Variants in SYCE1 observed in about 807,000 individuals in gnomAD.
SYCE1 encodes synaptonemal complex central element protein 1, also known as cancer/testis antigen 76.
In SYCE1, 37 loss-of-function variants were observed where a neutral mutation model predicts 55.1. The ratio of observed to expected loss-of-function variants is 0.67; its 90% confidence interval spans 0.52 to 0.88. SYCE1 has a LOEUF of 0.88. Ranked by LOEUF, SYCE1 falls within the 40% of genes least tolerant of loss-of-function variation. The probability of loss-of-function intolerance (pLI) is 0.00; values close to 1 mark genes in which losing one functional copy is unlikely to be tolerated. For missense variants in SYCE1, 399 were observed against 416.4 expected (o/e 0.96, Z 0.36); for synonymous variants, 163 against 159.4 (o/e 1.02, Z -0.17).
intron 1 of SYCE1, among the ~76,000 whole-genome samples, chr10:133,561,565 GT>G (rs920692911): frequency 1.5e-4 from 23 of 152,224 alleles, no homozygotes; most frequent in Admixed American, 1.2e-3. Flanking sequence ...AAGTTTGAGG[GT>G]TTTTTTCCTG....
At chr10:133,566,983 G>T (rs1851957704), upstream of SYCE1, among the ~76,000 whole-genome samples, 1 of 151,780 alleles carries the variant, frequency 6.6e-6, no homozygotes, top group Non-Finnish European at 1.5e-5. Context: ...TAGGTTTAGG[G>T]GTAGCGTTGT....
At chr10:133,560,304 C>T in intron 1 of SYCE1, 151 bp from the exon 2 acceptor site, 1 of 591,032 alleles carries the variant, frequency 1.7e-6, no homozygotes, top group Non-Finnish European at 3.0e-6. Flanking sequence ...GAATCGGGCT[C>T]CTCCATGGTC....
chr10:133,568,134 GC>G, upstream of SYCE1: 1 of 820,406 alleles, frequency 1.2e-6, no homozygotes, highest in Non-Finnish European at 2.0e-6. Flanking sequence ...GCGCCACCCA[GC>G]CCGACACAGA....
chr10:133,564,551 C>T, intron 1 of SYCE1: 2 of 397,936 alleles, frequency 5.0e-6, no homozygotes, highest in Non-Finnish European at 6.8e-6. Flanking sequence ...TGTGCCACAT[C>T]TCACTGTAGG....
chr10:133,564,298 G>A (rs373415320), intron 1 of SYCE1: 1 of 774,346 alleles, frequency 1.3e-6, no homozygotes, highest in Non-Finnish European at 1.6e-6. Context: ...ACGCTGAATT[G>A]CACCTTGATC....
In SYCE1 at chr10:133,555,596, C is replaced by T. The variant is rs768727840; in HGVS notation, c.830+1G>A. On this transcript the variant is annotated splice_donor_variant, in intron 11 of 12. Transcript: ENST00000343131. LOFTEE classifies it high-confidence loss of function. ...TGCGGGGACAGGGCCTCCACACGCACCTCTGCCGCTTCTGCTGCTGTTGTT... is the reference window on the plus strand; with the variant it reads ...TGCGGGGACAGGGCCTCCACACGCATCTCTGCCGCTTCTGCTGCTGTTGTT... The T allele has an allele frequency of 3.1e-6, 5 of 1,604,274 alleles. No homozygotes were observed. In the South Asian group the frequency reaches 4.4e-5, roughly 14 times the overall value.
upstream of SYCE1, among the ~76,000 whole-genome samples, chr10:133,565,821 A>C (rs112843529): frequency 0.026 from 4,028 of 152,244 alleles, 168 homozygotes; most frequent in African/African-American, 0.092. Context: ...TTCCGAGGGG[A>C]CCGGCCCTGG....
At chr10:133,566,098 C>T (rs1234147440), upstream of SYCE1, among the ~76,000 whole-genome samples, 2 of 152,224 alleles carry the variant, frequency 1.3e-5, no homozygotes, top group African/African-American at 4.8e-5. Context: ...AGCTCCATGC[C>T]CACAGTGGCC....
chr10:133,567,993 C>G (rs1404768752), upstream of SYCE1: 3 of 595,362 alleles, frequency 5.0e-6, no homozygotes, highest in South Asian at 4.7e-5. Context: ...CACTGGGGCT[C>G]CAAGACTGTG....
intron 5 of SYCE1, 80 bp downstream of exon 5, chr10:133,558,087 A>G (rs1851731862): frequency 6.3e-7 from 1 of 1,590,110 alleles, no homozygotes; most frequent in East Asian, 2.2e-5. Flanking sequence ...AGGTTTCAAA[A>G]GGCTTCAGCT....
intron 3 of SYCE1, 169 bp from the exon 4 acceptor site, chr10:133,559,120 T>A: frequency 1.1e-6 from 1 of 916,200 alleles, no homozygotes; most frequent in African/African-American, 1.6e-5. Flanking sequence ...AGGGCCAGGA[T>A]CATGGGCATG....
intron 4 of SYCE1, 124 bp downstream of exon 4, chr10:133,558,753 G>A (rs1260361264): frequency 2.2e-6 from 2 of 903,824 alleles, no homozygotes; most frequent in Non-Finnish European, 3.4e-6. Flanking sequence ...GAGATTGGCA[G>A]GACATGAGGC....
chr10:133,558,204 C>T lies in SYCE1; in HGVS notation c.282G>A (p.Glu94=). Residue 94 remains glutamate (E), a synonymous_variant, in exon 5 of 13, where the codon GAG becomes GAA. Transcript: ENST00000343131. ...TCAAGATCTCCTTCAGGTGTACTTT[C>T]TCTCCATGCACTAGAAAACAGTGAC... ...LQKELDSLHG[E]KVHLKEILSK... 6.2e-7 allele frequency: 1 copy of T among 1,614,202 alleles called. No individual in the cohort carries two copies. The highest frequency in any genetic ancestry group is 1.1e-5 in the South Asian group (1 of 91,076).
At chr10:133,561,385 A>G (rs10857758) in intron 1 of SYCE1, among the ~76,000 whole-genome samples, 20,323 of 151,952 alleles carry the variant, frequency 0.13, 1,328 homozygotes, top group East Asian at 0.25. Context: ...GAAGTCCCCC[A>G]TCCAGGGAAT....
chr10:133,559,608 C>T (rs1851774075), intron 2 of SYCE1: 1 of 510,352 alleles, frequency 2.0e-6, no homozygotes, highest in Non-Finnish European at 3.5e-6. Context: ...GGCTAAAGAG[C>T]AAAGGAGTGG....
chr10:133,567,811 CT>C (rs1383479123), upstream of SYCE1: 6 of 364,204 alleles, frequency 1.6e-5, no homozygotes, highest in East Asian at 7.3e-5. Context: ...AGGCCACTGC[CT>C]TTTTGGCTGA....
Position 133,555,859 on chromosome 10 carries a change from A to G in SYCE1, c.640T>C (p.Cys214Arg). Residue 214 changes from cysteine to arginine, a missense_variant, in exon 10 of 13, where the codon TGC becomes CGC. By Grantham distance (180) the Cys-to-Arg change is radical. Coordinates refer to ENST00000343131, the MANE Select transcript of SYCE1 (RefSeq NM_001143764.3). The stretch of plus-strand genomic sequence containing the variant: ...GGGCCCTCAGCCCCACACAGGGAGC[A>G]CAGCTGATGCTTCACGTCTTCCAGT... ...ATLEDVKHQL[C>R]SLCGAEGPST... 6.2e-7 allele frequency: 1 copy of G among 1,614,082 alleles called. No individual in the cohort carries two copies. Among genetic ancestry groups the G allele is most frequent in the Non-Finnish European group, 8.5e-7 (1 of 1,180,004 alleles).
chr10:133,557,961 AT>A (rs759815189), intron 5 of SYCE1, 43 bp from the exon 6 acceptor site: 2 of 1,611,286 alleles, frequency 1.2e-6, no homozygotes, highest in South Asian at 1.1e-5. Context: ...CTGTCAAGGT[AT>A]TGGGTTTTGG....
At chr10:133,567,804 C>G, upstream of SYCE1, 1 of 359,068 alleles carries the variant, frequency 2.8e-6, no homozygotes, top group Admixed American at 3.3e-5. Flanking sequence ...GAGCCACAGG[C>G]CACTGCCTTT....
Sources: allele counts gnomAD v4.1 joint callset (sites outside exome capture counted in the v4.1 genomes callset), GRCh38; gene constraint gnomAD v4.1.1; transcripts MANE v1.5; gene names NCBI Gene and HGNC (gene_info 2026-07-23, HGNC 2026-07-21).